The following FGF5 variants were observed in gnomAD, a reference collection of about 807,000 sequenced individuals.
FGF5 encodes heparin-binding growth factor 5.
A neutral mutation model predicts 21.8 loss-of-function variants in FGF5; 23 were observed. The ratio of observed to expected loss-of-function variants is 1.05; its 90% CI spans 0.76 to 1.49. FGF5 has a LOEUF of 1.49. FGF5 is among the 40% of genes most tolerant of loss of function. The pLI, the probability that FGF5 is intolerant of heterozygous loss-of-function variation, is 0.00. For synonymous variants in FGF5, 158 were observed against 124.0 expected, an observed-to-expected ratio of 1.27 and a Z score of -1.82; for missense variants, 352 against 332.9, an observed-to-expected ratio of 1.06 and a Z score of -0.45.
chr4:80,266,751 A>G lies in FGF5; in HGVS notation c.-74A>G. 1 of 1,295,686 alleles carries G rather than the reference A, an allele frequency of 7.7e-7. No homozygotes were observed. The highest frequency in any genetic ancestry group is 1.1e-6 in the Non-Finnish European group (1 of 944,784). The allele number at this position is 1,295,686 out of a possible 1,614,324, so 80.3% of individuals were successfully genotyped here. On this transcript the variant is annotated 5_prime_UTR_variant, in exon 1 of 3. Transcript: ENST00000312465. ...CGGCGAGGCGGGCAGAGCCAGAGGCACGCAGCCGCACAGGGGCTACAGAGC... is the reference window on the plus strand; with the variant it reads ...CGGCGAGGCGGGCAGAGCCAGAGGCGCGCAGCCGCACAGGGGCTACAGAGC...
intron 2 of FGF5, among the ~76,000 whole-genome samples, chr4:80,284,781 T>G (rs1443312886): frequency 6.6e-6 from 1 of 152,210 alleles, no homozygotes; most frequent in Non-Finnish European, 1.5e-5. Flanking sequence ...TTTTTAGATT[T>G]CTGTGTTATG....
In FGF5 at chr4:80,267,041, G is replaced by T. The variant is rs1364376778; in HGVS notation, c.217G>T (p.Gly73Cys). The T allele has an allele frequency of 3.1e-6, 5 of 1,614,150 alleles. No individual in the cohort carries two copies. Among genetic ancestry groups the T allele is most frequent in the East Asian group, 2.2e-5 (1 of 44,898 alleles). Residue 73 changes from glycine to cysteine, a missense_variant, in exon 1 of 3, where the codon GGC (glycine) becomes TGC (cysteine). Gly to Cys is a radical substitution (Grantham distance 159). Transcript: ENST00000312465. ...AGCTTCTCTGGGCAGCCAAGGAAGT[G>T]GCTTGGAGCAGAGCAGTTTCCAGTG... is the stretch of plus-strand genomic sequence containing the variant. ...PAASLGSQGS[G>C]LEQSSFQWSP...
At chr4:80,268,715 G>T (rs544739205) in intron 1 of FGF5, 2 of 223,344 alleles carry the variant, frequency 9.0e-6, no homozygotes, top group East Asian at 3.7e-4. Context: ...TCAGCAGCCT[G>T]CGGCGCACGT....
rs752500500 is a variant in FGF5, at chr4:80,286,670, T to C, written c.805T>C (p.Ter269GlnextTer39). 3.7e-6 allele frequency: 6 copies of C among 1,611,606 alleles called. No homozygotes were observed. The South Asian group carries it at 6.6e-5, about 18-fold the overall frequency. The change falls in exon 3 of 3, where the codon TAA becomes CAA. Residue 269 changes from the stop codon to glutamine, a stop_lost. Transcript: ENST00000312465. Reference sequence around the variant, plus strand: ...ATACAGACTCAAGTTTCGCTTTGGATAATATTCCTCTTGGCCTTGTGAGAA... The same window carrying C: ...ATACAGACTCAAGTTTCGCTTTGGACAATATTCCTCTTGGCCTTGTGAGAA... ...VKYRLKFRFG[*>Q]
intron 1 of FGF5, among the ~76,000 whole-genome samples, chr4:80,274,225 G>A (rs559154562): frequency 6.6e-6 from 1 of 152,108 alleles, no homozygotes; most frequent in African/African-American, 2.4e-5. Context: ...ATACAACAAT[G>A]TAATAAATTA....
chr4:80,282,595 T>C (rs1459947273), intron 2 of FGF5, among the ~76,000 whole-genome samples: 1 of 152,168 alleles, frequency 6.6e-6, no homozygotes, highest in Non-Finnish European at 1.5e-5. Context: ...GTGATATCTG[T>C]GGAATAAATT....
rs780322663 is a variant in FGF5, at chr4:80,277,651, C to CA, written c.459+2645dup. Among the ~76,000 whole-genome samples, 25 of 152,038 alleles carry CA rather than the reference C, an allele frequency of 1.6e-4. 1 individual carries two copies. Among genetic ancestry groups the CA allele is most frequent in the Admixed American group, 9.8e-4 (15 of 15,254 alleles). ...GATTTTTACGACTTTACATCATCCC[C>CA]AAAAAAGGTTAAAAACTCATAGACT... On this transcript the variant is annotated intron_variant, in intron 2 of 2. Transcript: ENST00000312465.
intron 2 of FGF5, 65 bp from the exon 3 acceptor site, chr4:80,286,260 T>G: frequency 9.0e-7 from 1 of 1,106,234 alleles, no homozygotes; most frequent in Non-Finnish European, 1.3e-6. Flanking sequence ...TACAATACCT[T>G]ATGTTTTATT....
At chr4:80,276,849 A>G (rs1333420374) in intron 2 of FGF5, among the ~76,000 whole-genome samples, 1 of 152,118 alleles carries the variant, frequency 6.6e-6, no homozygotes, top group African/African-American at 2.4e-5. Context: ...AGTCTACTTT[A>G]AGTTTATAAA....
Position 80,287,975 on chromosome 4 carries a change from TG to T in FGF5, c.*1305del, listed in dbSNP as rs1259838171. 1 of 152,184 alleles carries T rather than the reference TG, an allele frequency of 6.6e-6. No individual in the cohort carries two copies. Among genetic ancestry groups the T allele is most frequent in the East Asian group, 1.9e-4 (1 of 5,200 alleles). 9.4% of individuals were successfully genotyped at this position (152,184 alleles called of 1,614,324 possible). On this transcript the variant is annotated 3_prime_UTR_variant, in exon 3 of 3. Transcript: ENST00000312465. ...TAATTTCAACCTAAATACTGACTGC[TG>T]GACATAAATCACAGAAAATTTAACT...
chr4:80,272,348 T>C (rs2109919251), intron 1 of FGF5, among the ~76,000 whole-genome samples: 1 of 152,218 alleles, frequency 6.6e-6, no homozygotes, highest in Non-Finnish European at 1.5e-5. Flanking sequence ...TAATAACACT[T>C]TCACATATAT....
In FGF5 at chr4:80,287,109, ACCTC is replaced by A. The variant is rs1720757500; in HGVS notation, c.*438_*441del. 1 of 156,278 alleles carries A rather than the reference ACCTC, an allele frequency of 6.4e-6. No homozygotes were observed. Among genetic ancestry groups the A allele is most frequent in the East Asian group, 1.9e-4 (1 of 5,328 alleles). The allele number at this position is 156,278 out of a possible 1,614,324, so 9.7% of individuals were successfully genotyped here. On this transcript the variant is annotated 3_prime_UTR_variant, in exon 3 of 3. Transcript: ENST00000312465. ...TTTTTTTGTTTGTTTTCTTAAAAGT[ACCTC>A]TGCATTGAGCATATTTTCTTACTTT...
intron 2 of FGF5, among the ~76,000 whole-genome samples, chr4:80,280,359 A>G (rs1203064322): frequency 6.6e-6 from 1 of 152,252 alleles, no homozygotes; most frequent in Non-Finnish European, 1.5e-5. Flanking sequence ...TTGTAGATTC[A>G]GAAATCCATT....
chr4:80,270,616 C>A (rs552586880), intron 1 of FGF5, among the ~76,000 whole-genome samples: 1 of 152,132 alleles, frequency 6.6e-6, no homozygotes, highest in African/African-American at 2.4e-5. Flanking sequence ...GATAGATGAC[C>A]CAACTATTGC....
chr4:80,281,602 T>A (rs1005094567), intron 2 of FGF5, among the ~76,000 whole-genome samples: 1 of 152,184 alleles, frequency 6.6e-6, no homozygotes, highest in Non-Finnish European at 1.5e-5. Flanking sequence ...TATTTCTATA[T>A]CTCATATCCT....
intron 1 of FGF5, among the ~76,000 whole-genome samples, chr4:80,272,565 C>T (rs1720298660): frequency 6.6e-6 from 1 of 152,062 alleles, no homozygotes; most frequent in African/African-American, 2.4e-5. Flanking sequence ...CTTTTTATCT[C>T]AACATCTTAA....
chr4:80,276,997 A>G (rs988896671), intron 2 of FGF5, among the ~76,000 whole-genome samples: 1 of 152,150 alleles, frequency 6.6e-6, no homozygotes, highest in Non-Finnish European at 1.5e-5. Context: ...TGCAAAAAAA[A>G]TAGACTAAAC....
At chr4:80,266,611 G>A, upstream of FGF5, 1 of 545,684 alleles carries the variant, frequency 1.8e-6, no homozygotes, top group Non-Finnish European at 3.2e-6. Context: ...AGGCGTGCAC[G>A]GAGCAGTGAG....
chr4:80,281,306 A>T (rs2109926733), intron 2 of FGF5, among the ~76,000 whole-genome samples: 1 of 152,220 alleles, frequency 6.6e-6, no homozygotes, highest in Middle Eastern at 3.4e-3. Flanking sequence ...GTCTAAAAGG[A>T]GGGAGGGGAA....
Sources: gnomAD v4.1 joint callset for allele counts (sites outside exome capture counted in the v4.1 genomes callset) on GRCh38, gnomAD v4.1.1 for gene constraint, MANE v1.5 for transcripts, NCBI Gene and HGNC (gene_info 2026-07-23, HGNC 2026-07-21) for gene names.